The following NELL1 variants were observed in gnomAD, a reference collection of about 807,000 sequenced individuals.
NELL1 encodes the protein neural EGFL like 1, also known as protein kinase C-binding protein NELL1.
NELL1 carries 76 observed loss-of-function variants against 107.4 expected under a neutral mutation model. That is an observed-to-expected ratio of 0.71 (90% CI 0.59 to 0.86). The LOEUF is 0.86. Ranked by LOEUF, NELL1 falls within the 40% of genes least tolerant of loss-of-function variation. NELL1 has a pLI of 0.00. For missense variants in NELL1, 1,024 were observed against 1,005.5 expected, an observed-to-expected ratio of 1.02 and a Z score of -0.25; for synonymous variants, 353 against 341.2, an observed-to-expected ratio of 1.03 and a Z score of -0.38.
chr11:20,996,428 A>C (rs1852091457), intron 12 of NELL1, among the ~76,000 whole-genome samples: 1 of 152,156 alleles, frequency 6.6e-6, no homozygotes, highest in Non-Finnish European at 1.5e-5. Context: ...TTTCTATCTT[A>C]ACCACTATGC....
At chr11:20,992,311 C>T (rs1851992983) in intron 12 of NELL1, among the ~76,000 whole-genome samples, 1 of 152,212 alleles carries the variant, frequency 6.6e-6, no homozygotes, top group African/African-American at 2.4e-5. Flanking sequence ...ACATATTTCA[C>T]TGCTGTCCAG....
chr11:21,141,737 T>TTTTA (rs201651937), intron 13 of NELL1, among the ~76,000 whole-genome samples: 12,986 of 147,602 alleles, frequency 0.088, 634 homozygotes, highest in Middle Eastern at 0.11. Flanking sequence ...CCTCTATCCT[T>TTTTA]TTTATTTATT....
At chr11:21,485,903 G>T (rs1352503370) in intron 15 of NELL1, among the ~76,000 whole-genome samples, 3 of 152,030 alleles carry the variant, frequency 2.0e-5, no homozygotes, top group Admixed American at 6.5e-5. Flanking sequence ...CCCAGGGTTT[G>T]AGGTTATGCC....
chr11:20,990,552 C>T (rs1012129818), intron 12 of NELL1, among the ~76,000 whole-genome samples: 5 of 152,212 alleles, frequency 3.3e-5, no homozygotes, highest in Admixed American at 3.3e-4. Context: ...TGCTCAGACA[C>T]AGACATTGGT....
chr11:21,381,030 A>G (rs1035277975), intron 15 of NELL1, among the ~76,000 whole-genome samples: 14 of 152,042 alleles, frequency 9.2e-5, no homozygotes, highest in Admixed American at 6.6e-4. Flanking sequence ...GACATGTATA[A>G]GTGTCATTCA....
intron 3 of NELL1, among the ~76,000 whole-genome samples, chr11:20,808,430 C>T (rs1180144368): frequency 6.6e-6 from 1 of 152,186 alleles, no homozygotes; most frequent in Non-Finnish European, 1.5e-5. Context: ...TCTCCTGAAG[C>T]AGAAGGAAGC....
intron 5 of NELL1, among the ~76,000 whole-genome samples, chr11:20,911,423 T>C (rs981579460): frequency 1.3e-5 from 2 of 152,228 alleles, no homozygotes; most frequent in Non-Finnish European, 2.9e-5. Context: ...GCCAACCTTA[T>C]ATAGCCCAGA....
At chr11:20,930,682 C>G (rs186674319) in intron 9 of NELL1, among the ~76,000 whole-genome samples, 1 of 152,010 alleles carries the variant, frequency 6.6e-6, no homozygotes, top group East Asian at 1.9e-4. Flanking sequence ...TCTCACTAGA[C>G]GTGTGTGGGA....
At chr11:21,449,174 A>C (rs990363999) in intron 15 of NELL1, among the ~76,000 whole-genome samples, 10 of 152,170 alleles carry the variant, frequency 6.6e-5, no homozygotes, top group Non-Finnish European at 1.3e-4. Context: ...CATTCCCACC[A>C]GCAGTGTATG....
intron 12 of NELL1, among the ~76,000 whole-genome samples, chr11:20,966,827 C>T (rs1851395701): frequency 6.6e-6 from 1 of 152,030 alleles, no homozygotes; most frequent in South Asian, 2.1e-4. Flanking sequence ...ACCATCACCT[C>T]CCCACCCCCT....
chr11:21,497,545 C>A (rs972887423), intron 15 of NELL1, among the ~76,000 whole-genome samples: 13 of 151,598 alleles, frequency 8.6e-5, no homozygotes, highest in African/African-American at 1.7e-4. Context: ...CATTTAATTG[C>A]GTTAGTTAAT....
At chr11:21,201,421 GCTCT>G (rs1431637747) in intron 13 of NELL1, among the ~76,000 whole-genome samples, 1 of 151,818 alleles carries the variant, frequency 6.6e-6, no homozygotes, top group Non-Finnish European at 1.5e-5. Flanking sequence ...TCATGATTTG[GCTCT>G]CTGTCTATTA....
intron 13 of NELL1, among the ~76,000 whole-genome samples, chr11:21,124,972 G>A (rs1375392378): frequency 1.3e-5 from 2 of 152,056 alleles, no homozygotes; most frequent in Admixed American, 6.5e-5. Flanking sequence ...TCCTTTATAA[G>A]GGCACTAATA....
chr11:20,862,868 C>G (rs1328147906), intron 4 of NELL1, among the ~76,000 whole-genome samples: 2 of 152,062 alleles, frequency 1.3e-5, no homozygotes, highest in Non-Finnish European at 2.9e-5. Context: ...CGCCCTTAAT[C>G]CATTTAACCC....
intron 14 of NELL1, among the ~76,000 whole-genome samples, chr11:21,350,318 G>A (rs1443344107): frequency 6.6e-6 from 1 of 151,694 alleles, no homozygotes; most frequent in African/African-American, 2.4e-5. Flanking sequence ...ACTAGTAATG[G>A]CTAATAAAAG....
chr11:21,130,969 G>A (rs913364032), intron 13 of NELL1, among the ~76,000 whole-genome samples: 1 of 152,076 alleles, frequency 6.6e-6, no homozygotes, highest in Non-Finnish European at 1.5e-5. Context: ...TTCAGAAGAC[G>A]AGATTATCTG....
intron 12 of NELL1, among the ~76,000 whole-genome samples, chr11:21,055,596 T>A (rs1471475698): frequency 6.6e-6 from 1 of 152,160 alleles, no homozygotes; most frequent in Non-Finnish European, 1.5e-5. Context: ...TTCTGTTATC[T>A]GTTCTAATTG....
intron 2 of NELL1, among the ~76,000 whole-genome samples, chr11:20,750,937 T>G (rs1228452643): frequency 6.6e-6 from 1 of 152,188 alleles, no homozygotes; most frequent in Admixed American, 6.6e-5. Flanking sequence ...GGTTCAGCTT[T>G]TAAAACACAG....
chr11:21,175,444 A>C (rs999108194), intron 13 of NELL1, among the ~76,000 whole-genome samples: 3 of 151,890 alleles, frequency 2.0e-5, no homozygotes, highest in Non-Finnish European at 4.4e-5. Flanking sequence ...AAGCATACTT[A>C]ATCACTGTAA....
Sources: allele counts gnomAD v4.1 joint callset (sites outside exome capture counted in the v4.1 genomes callset), GRCh38; gene constraint gnomAD v4.1.1; transcripts MANE v1.5; gene names NCBI Gene and HGNC (gene_info 2026-07-23, HGNC 2026-07-21).